MACROD2: variants seen among roughly 807,000 people sequenced by gnomAD.
MACROD2 encodes the protein ADP-ribose glycohydrolase MACROD2.
MACROD2 carries 36 observed loss-of-function variants against 70.4 expected under a neutral mutation model. The ratio of observed to expected loss-of-function variants is 0.51; its 90% CI spans 0.39 to 0.68. The LOEUF (loss-of-function observed/expected upper bound fraction) is 0.68. Ranked by LOEUF, MACROD2 falls within the 30% of genes least tolerant of loss-of-function variation. The pLI is 0.00. For missense variants in MACROD2, 496 were observed against 538.4 expected, an observed-to-expected ratio of 0.92 and a Z score of 0.78; for synonymous variants, 172 against 178.8, an observed-to-expected ratio of 0.96 and a Z score of 0.30.
At chr20:15,488,300 A>T (rs1186585824) in intron 7 of MACROD2, among the ~76,000 whole-genome samples, 1 of 152,056 alleles carries the variant, frequency 6.6e-6, no homozygotes, top group Non-Finnish European at 1.5e-5. Flanking sequence ...TCACTGCAGG[A>T]TGCTAGGCAG....
chr20:15,855,788 CT>C (rs1031130583), intron 8 of MACROD2, among the ~76,000 whole-genome samples: 11 of 152,116 alleles, frequency 7.2e-5, no homozygotes, highest in Admixed American at 7.2e-4. Context: ...AGTGTGTCCT[CT>C]TTTTTTTCTG....
At position 15,597,760 on chromosome 20, in the gene MACROD2, A is replaced by C. The variant is rs558152515; in HGVS notation, c.645+97913A>C. Among the ~76,000 whole-genome samples the C allele has an allele frequency of 1.3e-3, 203 of 152,322 alleles. No individual in the cohort carries two copies. In the Middle Eastern group the frequency reaches 0.024, roughly 18 times the overall value. On this transcript the variant is annotated intron_variant, in intron 8 of 17. Transcript: ENST00000684519. ...CTCCCTTCTTTTTAACCCAGAAGGC[A>C]GTAGAAACAAAAGTTAATAGGAAAA... is the stretch of plus-strand genomic sequence containing the variant.
Position 14,506,034 on chromosome 20 carries a change from G to A in MACROD2, c.301+12526G>A, listed in dbSNP as rs73096656. 1.1e-3 allele frequency among the ~76,000 whole-genome samples: 175 copies of A among 152,314 alleles called. 4 individuals carry two copies. Among genetic ancestry groups the A allele is most frequent in the Non-Finnish European group, 1.3e-3 (86 of 68,012 alleles). On this transcript the variant is annotated intron_variant, in intron 4 of 17. Transcript: ENST00000684519. ...ATTTGGTTGTGTGGAAAATCTGCAA[G>A]GGTTGGGAGTGTTGGGGGGTGGGCA...
chr20:15,262,043 T>C (rs1259629825), intron 6 of MACROD2, among the ~76,000 whole-genome samples: 2 of 152,032 alleles, frequency 1.3e-5, no homozygotes, highest in African/African-American at 2.4e-5. Context: ...ATCCTTTCTG[T>C]GTTACAAACA....
intron 12 of MACROD2, among the ~76,000 whole-genome samples, chr20:15,948,211 C>G (rs549780789): frequency 6.6e-6 from 1 of 151,864 alleles, no homozygotes; most frequent in African/African-American, 2.4e-5. Flanking sequence ...GTAAAGAGAG[C>G]TTACTAAAAT....
Position 14,885,145 on chromosome 20 carries a change from G to A in MACROD2, c.418+200186G>A, listed in dbSNP as rs183915114. Reference sequence around the variant, plus strand: ...TCATTGAGAGGAGTGTCAAAAAATTGGGCCATGTTTATACTACATGCTCTT... The same window carrying A: ...TCATTGAGAGGAGTGTCAAAAAATTAGGCCATGTTTATACTACATGCTCTT... On this transcript the variant is annotated intron_variant, in intron 5 of 17. Coordinates refer to ENST00000684519, the MANE Select transcript of MACROD2 (RefSeq NM_001351661.2). Among the ~76,000 whole-genome samples, 394 of 152,102 alleles carry A rather than the reference G, an allele frequency of 2.6e-3. 6 individuals carry two copies. The highest frequency in any genetic ancestry group is 3.5e-3 in the Non-Finnish European group (236 of 67,994).
At chr20:15,798,503 G>A (rs978539994) in intron 8 of MACROD2, among the ~76,000 whole-genome samples, 1 of 152,110 alleles carries the variant, frequency 6.6e-6, no homozygotes, top group Non-Finnish European at 1.5e-5. Flanking sequence ...GACCTGCCCT[G>A]GAAAGTCACG....
At chr20:16,036,052 G>A (rs2067231103) in intron 15 of MACROD2, among the ~76,000 whole-genome samples, 1 of 152,000 alleles carries the variant, frequency 6.6e-6, no homozygotes, top group Non-Finnish European at 1.5e-5. Flanking sequence ...TACATTAATA[G>A]TGAAGTTGGA....
chr20:14,123,494 G>A (rs552489586), intron 3 of MACROD2, among the ~76,000 whole-genome samples: 1 of 152,184 alleles, frequency 6.6e-6, no homozygotes, highest in East Asian at 1.9e-4. Context: ...TGCTTCACCT[G>A]GTCACCTAGG....
At chr20:14,216,997 A>G (rs1367198733) in intron 3 of MACROD2, among the ~76,000 whole-genome samples, 1 of 152,068 alleles carries the variant, frequency 6.6e-6, no homozygotes, top group Admixed American at 6.6e-5. Flanking sequence ...GATGCCTTTT[A>G]TTCTTTCTCT....
rs566496032 is a variant in MACROD2, at chr20:15,201,032, C to T, written c.419-28908C>T. 3.3e-5 allele frequency among the ~76,000 whole-genome samples: 5 copies of T among 152,038 alleles called. No individual in the cohort carries two copies. The East Asian group carries it at 7.7e-4, about 23-fold the overall frequency. ...GGTTTAGGGTGGGGCCCCAAGATTT[C>T]GAATTCCCAACCACCTCCCAGGTGC... is the stretch of plus-strand genomic sequence containing the variant. On this transcript the variant is annotated intron_variant, in intron 5 of 17. Coordinates refer to ENST00000684519, the MANE Select transcript of MACROD2 (RefSeq NM_001351661.2).
chr20:15,699,824 C>T (rs2050430286), intron 8 of MACROD2, among the ~76,000 whole-genome samples: 1 of 152,180 alleles, frequency 6.6e-6, no homozygotes, highest in Admixed American at 6.5e-5. Context: ...ATTCCTTCTC[C>T]CTGTGGAGTT....
chr20:15,956,741 T>A (rs1315629997), intron 12 of MACROD2, among the ~76,000 whole-genome samples: 3 of 152,140 alleles, frequency 2.0e-5, no homozygotes, highest in African/African-American at 7.2e-5. Context: ...GCTCTGGGGT[T>A]GGGGCCCCAC....
intron 8 of MACROD2, among the ~76,000 whole-genome samples, chr20:15,581,603 G>T (rs2146647873): frequency 6.6e-6 from 1 of 152,312 alleles, no homozygotes; most frequent in South Asian, 2.1e-4. Context: ...AGAGCCACCA[G>T]CTTGAGGGAA....
intron 3 of MACROD2, among the ~76,000 whole-genome samples, chr20:14,388,014 GT>G (rs11474530): frequency 1.7e-4 from 24 of 142,456 alleles, no homozygotes; most frequent in Middle Eastern, 3.6e-3. Flanking sequence ...ATGTAAGTAG[GT>G]TTTTTTTTTT....
chr20:15,772,694 T>C (rs2051656170), intron 8 of MACROD2, among the ~76,000 whole-genome samples: 1 of 152,080 alleles, frequency 6.6e-6, no homozygotes, highest in Admixed American at 6.5e-5. Flanking sequence ...CTTCTTCACA[T>C]GGTGGCAAGA....
At chr20:15,280,356 T>C (rs6074867) in intron 6 of MACROD2, among the ~76,000 whole-genome samples, 9,848 of 152,196 alleles carry the variant, frequency 0.065, 459 homozygotes, top group Non-Finnish European at 0.1. Context: ...AATGTTGGGG[T>C]AATAGTCACA....
intron 3 of MACROD2, among the ~76,000 whole-genome samples, chr20:14,422,089 G>A (rs1041246785): frequency 6.6e-6 from 1 of 152,016 alleles, no homozygotes; most frequent in Non-Finnish European, 1.5e-5. Context: ...GGGTTTTGTT[G>A]TTTGGCACAT....
intron 8 of MACROD2, among the ~76,000 whole-genome samples, chr20:15,544,168 A>G (rs6110666): frequency 0.043 from 6,576 of 152,284 alleles, 471 homozygotes; most frequent in African/African-American, 0.15. Context: ...CACAGCGTCT[A>G]GACTCTGGGA....
Sources: allele counts gnomAD v4.1 joint callset (sites outside exome capture counted in the v4.1 genomes callset), GRCh38; gene constraint gnomAD v4.1.1; transcripts MANE v1.5; gene names NCBI Gene and HGNC (gene_info 2026-07-23, HGNC 2026-07-21).